INSYN2A: variants seen among roughly 807,000 people sequenced by gnomAD.
The protein encoded by INSYN2A is family with sequence similarity 196 member A.
Under a neutral mutation model 39.4 loss-of-function variants are expected in INSYN2A, and 17 were observed. That is an observed-to-expected ratio of 0.43 (90% CI 0.30 to 0.65). The LOEUF is 0.65. Ranked by LOEUF, INSYN2A falls within the 30% of genes least tolerant of loss-of-function variation. The pLI, the probability that INSYN2A is intolerant of heterozygous loss-of-function variation, is 0.14. For missense variants in INSYN2A, 595 were observed against 631.2 expected, an observed-to-expected ratio of 0.94 and a Z score of 0.61; for synonymous variants, 255 against 265.7, an observed-to-expected ratio of 0.96 and a Z score of 0.39.
intron 4 of INSYN2A, among the ~76,000 whole-genome samples, chr10:127,160,108 A>T: frequency 6.6e-6 from 1 of 151,358 alleles, no homozygotes; most frequent in South Asian, 2.1e-4. Context: ...ATAACAAAAC[A>T]TGAATTGTTT....
chr10:127,146,104 T>G, intron 5 of INSYN2A: 1 of 507,438 alleles, frequency 2.0e-6, no homozygotes, highest in Non-Finnish European at 3.9e-6. Context: ...TCCATACTCA[T>G]CTAAACATGA....
intron 2 of INSYN2A, among the ~76,000 whole-genome samples, chr10:127,180,852 T>A (rs1454648570): frequency 6.6e-6 from 1 of 152,232 alleles, no homozygotes; most frequent in Non-Finnish European, 1.5e-5. Flanking sequence ...CAGATTATAC[T>A]GGAAAAAAAT....
chr10:127,186,491 C>A (rs1054975881), intron 2 of INSYN2A, among the ~76,000 whole-genome samples: 1 of 110,918 alleles, frequency 9.0e-6, no homozygotes, highest in Non-Finnish European at 1.7e-5. Context: ...ATCATGATAA[C>A]AGCATGGGAG....
chr10:127,191,673 C>T (rs958759234), intron 2 of INSYN2A, among the ~76,000 whole-genome samples: 6 of 152,126 alleles, frequency 3.9e-5, no homozygotes, highest in Non-Finnish European at 8.8e-5. Context: ...AGTGGAATGA[C>T]CTAGAAACAC....
Position 127,175,408 on chromosome 10 carries a change from C to G in INSYN2A, c.988G>C (p.Gly330Arg), listed in dbSNP as rs1163732417. ...GTGGGACTAGGCTGGTTCCCCAGCC[C>G]CGGCGGGGTGTGAGTCTGCGACGGC... Reference protein sequence around the residue: ...EQPSQTHTPPGLGNQPSPTAV... With the variant: ...EQPSQTHTPPRLGNQPSPTAV... Residue 330 changes from glycine (G) to arginine (R), a missense_variant, in exon 4 of 6, where the codon GGG becomes CGG. Gly to Arg is a moderately radical substitution (Grantham distance 125, BLOSUM62 -2). This residue lies in a region of INSYN2A where 478 missense variants were observed against 467.4 expected (regional missense o/e 1.02). Coordinates refer to ENST00000522781, the MANE Select transcript of INSYN2A (RefSeq NM_001039762.3). The surrounding 1 kb of genome is among the most constrained non-coding windows in gnomAD (Gnocchi z 6.3). 3 of 1,613,608 alleles carry G rather than the reference C, an allele frequency of 1.9e-6. No homozygotes were observed. Among genetic ancestry groups the G allele is most frequent in the Middle Eastern group, 1.6e-4 (1 of 6,062 alleles).
intron 5 of INSYN2A, among the ~76,000 whole-genome samples, chr10:127,140,008 G>A (rs1303726324): frequency 6.6e-6 from 1 of 152,050 alleles, no homozygotes; most frequent in East Asian, 1.9e-4. Context: ...GTGAATATAC[G>A]GTATGTTAGG....
chr10:127,164,843 A>G (rs376871528), intron 4 of INSYN2A, among the ~76,000 whole-genome samples: 1 of 152,336 alleles, frequency 6.6e-6, no homozygotes, highest in East Asian at 1.9e-4. Context: ...CAGTCAGGGA[A>G]ATACTAAGTT....
Position 127,153,855 on chromosome 10 carries a change from T to C in INSYN2A, c.1253A>G (p.Tyr418Cys). 6.2e-7 allele frequency: 1 copy of C among 1,609,926 alleles called. No homozygotes were observed. ...GAAGAGGAGAATGTTAACATACCTA[T>C]AGATAATACATGCACTGTTCCTGCA... The part of the protein sequence containing the change: ...DTCRNSACII[Y>C]SVELDFKQQE... Residue 418 changes from tyrosine to cysteine, a missense_variant, in exon 5 of 6, where the codon TAT becomes TGT. Physicochemically the swap from Tyr to Cys is radical, Grantham distance 194 (BLOSUM62 -2). Coordinates refer to ENST00000522781, the MANE Select transcript of INSYN2A (RefSeq NM_001039762.3).
intron 4 of INSYN2A, among the ~76,000 whole-genome samples, chr10:127,155,775 C>T (rs542881211): frequency 2.0e-5 from 3 of 152,328 alleles, no homozygotes; most frequent in African/African-American, 7.2e-5. Flanking sequence ...CTTTCTCCAT[C>T]AGCTAATTCT....
chr10:127,140,638 AAGTCTCTGGGTTGAGTTTGACACACCG>A (rs1355833122), intron 5 of INSYN2A, among the ~76,000 whole-genome samples: 1 of 147,056 alleles, frequency 6.8e-6, no homozygotes, highest in Non-Finnish European at 1.5e-5. Flanking sequence ...TTGACACACC[AAGTCTCTGGGTTGAGTTTGACACACCG>A]AGTCTCTGGG....
chr10:127,147,337 G>A (rs1357577136), intron 5 of INSYN2A, among the ~76,000 whole-genome samples: 4 of 152,070 alleles, frequency 2.6e-5, no homozygotes, highest in African/African-American at 4.8e-5. Context: ...TCCTAACGCC[G>A]TAGCCTGGAG....
At chr10:127,167,269 C>A (rs78914588) in intron 4 of INSYN2A, among the ~76,000 whole-genome samples, 1 of 151,934 alleles carries the variant, frequency 6.6e-6, no homozygotes, top group Non-Finnish European at 1.5e-5. Flanking sequence ...TTTGGGGTTT[C>A]GAACTTGAAT....
chr10:127,170,547 G>A (rs1449064563), intron 4 of INSYN2A, among the ~76,000 whole-genome samples: 1 of 152,200 alleles, frequency 6.6e-6, no homozygotes, highest in East Asian at 1.9e-4. Flanking sequence ...GAGACTAAAT[G>A]TTTGGCGTAG....
intron 5 of INSYN2A, among the ~76,000 whole-genome samples, chr10:127,140,011 A>G (rs1361700602): frequency 1.3e-5 from 2 of 152,198 alleles, no homozygotes; most frequent in Non-Finnish European, 2.9e-5. Flanking sequence ...AATATACGGT[A>G]TGTTAGGTAT....
chr10:127,152,157 A>G (rs959231854), intron 5 of INSYN2A, among the ~76,000 whole-genome samples: 3 of 152,164 alleles, frequency 2.0e-5, no homozygotes, highest in Non-Finnish European at 4.4e-5. Context: ...TTCCAAACTA[A>G]CAGAAGCTGA....
chr10:127,154,069 C>T, intron 4 of INSYN2A, 146 bp from the exon 5 acceptor site: 1 of 629,956 alleles, frequency 1.6e-6, no homozygotes, highest in Non-Finnish European at 2.9e-6. Flanking sequence ...CAGTTTGCTC[C>T]TGTCTCTGCT....
At chr10:127,194,778 T>C (rs2056986432) in intron 1 of INSYN2A, among the ~76,000 whole-genome samples, 1 of 152,218 alleles carries the variant, frequency 6.6e-6, no homozygotes, top group Admixed American at 6.5e-5. Flanking sequence ...TGTAGTCTTC[T>C]GAAATGATCG....
rs2055081297 is a variant in INSYN2A, at chr10:127,175,927, C to T, written c.469G>A (p.Glu157Lys). The change falls in exon 4 of 6, where the codon GAG (glutamate) becomes AAG (lysine). Residue 157 changes from glutamate (E) to lysine (K), a missense_variant. By Grantham distance (56) the Glu-to-Lys change is moderately conservative (BLOSUM62 1). Transcript: ENST00000522781. This position sits in a 1 kb window ranked among gnomAD's most constrained non-coding sequence, Gnocchi z 6.3. ...CCCGCGCCACATGGCCGGGCCTCCT[C>T]CATGGGTCCAGCCTCGTTCTTCTCT... ...AKEKNEAGPM[E>K]EARPCGAGRV... 2.5e-6 allele frequency: 4 copies of T among 1,614,240 alleles called. No individual in the cohort carries two copies. The highest frequency in any genetic ancestry group is 1.1e-5 in the South Asian group (1 of 91,088).
intron 4 of INSYN2A, among the ~76,000 whole-genome samples, chr10:127,165,530 C>G (rs1316239018): frequency 1.3e-5 from 2 of 152,214 alleles, no homozygotes; most frequent in East Asian, 3.9e-4. Flanking sequence ...TTTTTTCCCC[C>G]AGGATCTCAA....
Sources: allele counts gnomAD v4.1 joint callset (sites outside exome capture counted in the v4.1 genomes callset), GRCh38; gene constraint gnomAD v4.1.1; regional missense constraint gnomAD v4.1.1; non-coding constraint Gnocchi (gnomAD v3.1); transcripts MANE v1.5; gene names NCBI Gene and HGNC (gene_info 2026-07-23, HGNC 2026-07-21).